SLC22A9: variants seen among roughly 807,000 people sequenced by gnomAD.
SLC22A9 encodes the protein organic anion transporter 7.
SLC22A9 carries 64 observed loss-of-function variants against 50.1 expected under a neutral mutation model. The observed-to-expected ratio is 1.28, with a 90% CI of 1.04 to 1.57. SLC22A9 has a LOEUF of 1.57. Among genes scored for constraint, SLC22A9 ranks in the 40% most tolerant of loss-of-function variants. The pLI, the probability that SLC22A9 is intolerant of heterozygous loss-of-function variation, is 0.00. For missense variants in SLC22A9, 757 were observed against 676.1 expected (o/e 1.12, Z -1.33); for synonymous variants, 261 against 242.5 (o/e 1.08, Z -0.71).
Position 63,410,257 on chromosome 11 carries a change from A to AAAAAAAAAAAAAAGAAGG in SLC22A9, c.*398_*399insAAAAAAAAAAGAAGGAAA. ...CTGTCTCAAAAAAAAAAAAAAAAAA[A>AAAAAAAAAAAAAAGAAGG]AAAGAAAGAAGGAAAGAAAGAAAGA... On this transcript the variant is annotated 3_prime_UTR_variant, in exon 10 of 10. Transcript: ENST00000279178. The AAAAAAAAAAAAAAGAAGG allele has an allele frequency of 6.5e-5, 7 of 108,460 alleles. No individual in the cohort carries two copies. The highest frequency in any genetic ancestry group is 9.8e-5 in the Non-Finnish European group (6 of 61,176). 6.7% of individuals were successfully genotyped at this position (108,460 alleles called of 1,614,324 possible). A position where few individuals can be genotyped will look rare whatever the true frequency, so the allele number is the denominator to read the frequency against.
At chr11:63,376,134 G>A (rs866722740) in intron 5 of SLC22A9, among the ~76,000 whole-genome samples, 5 of 152,106 alleles carry the variant, frequency 3.3e-5, no homozygotes, top group Admixed American at 6.6e-5. Flanking sequence ...AAAGCCAGAG[G>A]AAGGGTTAGT....
rs71065364 is a variant in SLC22A9 at position 63,386,434 on chromosome 11, C to CTTTTTTTTTTTT, written c.1073+4180_1073+4191dup. Among the ~76,000 whole-genome samples the CTTTTTTTTTTTT allele has an allele frequency of 1.2e-3, 40 of 33,500 alleles. 6 individuals carry two copies. The highest frequency in any genetic ancestry group is 3.2e-3 in the African/African-American group (18 of 5,630). The allele number at this position is 33,500 out of a possible 152,430, so 22.0% of individuals were successfully genotyped here. A position where few individuals can be genotyped will look rare whatever the true frequency, so the allele number is the denominator to read the frequency against. ...AGCTATAAATCCACGTGGACCTGGACTTTTTTTTTTTTTTTTTTTTTTTTT... is the reference window on the plus strand; with the variant it reads ...AGCTATAAATCCACGTGGACCTGGACTTTTTTTTTTTTTTTTTTTTTTTTTTTTTTTTTTTTT... On this transcript the variant is annotated intron_variant, in intron 6 of 9. Transcript: ENST00000279178.
chr11:63,397,296 C>T (rs1265443576), intron 6 of SLC22A9, among the ~76,000 whole-genome samples: 1 of 152,194 alleles, frequency 6.6e-6, no homozygotes, highest in Non-Finnish European at 1.5e-5. Context: ...ACCTCTGTGG[C>T]CACCACCACT....
rs370435925 is a variant in SLC22A9 at position 63,406,727 on chromosome 11, A to G, written c.1288+16A>G. The G allele has an allele frequency of 1.9e-6, 3 of 1,611,166 alleles. No individual in the cohort carries two copies. The African/African-American group carries it at 4.0e-5, about 22-fold the overall frequency. On this transcript the variant is annotated intron_variant, in intron 7 of 9. Transcript: ENST00000279178. ...GTGCCACAAGGTGAGAAAAGATCAC[A>G]GGTGGAAGAGAGAAATGCCTTTGCC...
rs2015113114 is a variant in SLC22A9 at position 63,410,041 on chromosome 11, C to T, written c.*179C>T. The T allele has an allele frequency of 5.6e-6, 3 of 535,646 alleles. No homozygotes were observed. The highest frequency in any genetic ancestry group is 1.9e-5 in the African/African-American group (1 of 51,554). The allele number at this position is 535,646 out of a possible 1,614,324, so 33.2% of individuals were successfully genotyped here. On this transcript the variant is annotated 3_prime_UTR_variant, in exon 10 of 10. Coordinates refer to ENST00000279178, the MANE Select transcript of SLC22A9 (RefSeq NM_080866.3). Reference sequence around the variant, plus strand: ...AGATCATGAGGTCAGAAGATAAAGACCACCCTGGCCAACATGGTGAAACCC... The same window carrying T: ...AGATCATGAGGTCAGAAGATAAAGATCACCCTGGCCAACATGGTGAAACCC...
intron 2 of SLC22A9, among the ~76,000 whole-genome samples, chr11:63,373,113 CT>C (rs1300472197): frequency 1.4e-5 from 2 of 140,142 alleles, no homozygotes; most frequent in Non-Finnish European, 3.1e-5. Context: ...TTCCCTTTTT[CT>C]TTTTTTTCCT....
intron 6 of SLC22A9, among the ~76,000 whole-genome samples, chr11:63,400,612 A>T (rs11231451): frequency 0.25 from 37,258 of 152,024 alleles, 5,260 homozygotes; most frequent in East Asian, 0.68. Flanking sequence ...CCTATTGTAC[A>T]CAAACTATTT....
chr11:63,369,793 T>A lies in SLC22A9; in HGVS notation c.-264T>A, dbSNP rs2119845452. 1.2e-5 allele frequency: 5 copies of A among 405,778 alleles called. No individual in the cohort carries two copies. The South Asian group carries it at 2.8e-4, about 23-fold the overall frequency. 25.1% of individuals were successfully genotyped at this position (405,778 alleles called of 1,614,324 possible). A position where few individuals can be genotyped will look rare whatever the true frequency, so the allele number is the denominator to read the frequency against. ...TGAAAAAGTAGAATTTTAAACACATTTCATTGTAAACGACTGGGAGTATCT... is the reference window on the plus strand; with the variant it reads ...TGAAAAAGTAGAATTTTAAACACATATCATTGTAAACGACTGGGAGTATCT... On this transcript the variant is annotated 5_prime_UTR_variant, in exon 1 of 10. Transcript: ENST00000279178.
At chr11:63,371,553 C>G (rs1393937089) in intron 2 of SLC22A9, among the ~76,000 whole-genome samples, 1 of 152,140 alleles carries the variant, frequency 6.6e-6, no homozygotes, top group African/African-American at 2.4e-5. Flanking sequence ...GACGTTTCAT[C>G]ACATAGGATT....
intron 7 of SLC22A9, 144 bp from the exon 8 acceptor site, chr11:63,407,968 C>T: frequency 1.7e-6 from 1 of 585,102 alleles, no homozygotes; most frequent in Non-Finnish European, 3.0e-6. Context: ...TCAGCCACTG[C>T]ACATTCTTTG....
intron 2 of SLC22A9, among the ~76,000 whole-genome samples, chr11:63,372,487 C>T (rs1005042979): frequency 8.5e-5 from 13 of 152,202 alleles, no homozygotes; most frequent in African/African-American, 3.1e-4. Flanking sequence ...AGATTACATA[C>T]TATAGTGTTC....
chr11:63,396,398 T>C lies in SLC22A9; in HGVS notation c.1074-10099T>C, dbSNP rs765140562. On this transcript the variant is annotated intron_variant, in intron 6 of 9. Transcript: ENST00000279178. ...TGCTTCCTCTGCCCCTGTATTTCTC[T>C]TGGCTCTCTAAATTAACTCAGCTCC... is the stretch of plus-strand genomic sequence containing the variant. 3.9e-5 allele frequency among the ~76,000 whole-genome samples: 6 copies of C among 152,326 alleles called. No individual in the cohort carries two copies. In the Middle Eastern group the frequency reaches 0.01, roughly 259 times the overall value.
rs141028695 is a variant in SLC22A9, at chr11:63,407,923, G to A, written c.1289-189G>A. 7.8e-3 allele frequency among the ~76,000 whole-genome samples: 1,189 copies of A among 152,266 alleles called. 17 individuals are homozygous for A. Among genetic ancestry groups the A allele is most frequent in the African/African-American group, 0.027 (1,126 of 41,542 alleles). On this transcript the variant is annotated intron_variant, in intron 7 of 9. Transcript: ENST00000279178. Reference sequence around the variant, plus strand: ...CAGATCCTTTTTATGCATTATTTAAGCCACAAGGCGAAGACAAATCATGTT... The same window carrying A: ...CAGATCCTTTTTATGCATTATTTAAACCACAAGGCGAAGACAAATCATGTT...
chr11:63,404,009 A>G (rs549517587), intron 6 of SLC22A9, among the ~76,000 whole-genome samples: 47 of 152,152 alleles, frequency 3.1e-4, no homozygotes, highest in Non-Finnish European at 6.5e-4. Flanking sequence ...TCAGAAAAGA[A>G]TTGAAATCAG....
intron 5 of SLC22A9, among the ~76,000 whole-genome samples, chr11:63,377,466 A>C (rs917519538): frequency 1.3e-5 from 2 of 152,180 alleles, no homozygotes; most frequent in Non-Finnish European, 1.5e-5. Flanking sequence ...CCGGATAAAT[A>C]AAGAAATTAA....
chr11:63,405,782 A>G (rs1490198434), intron 6 of SLC22A9, among the ~76,000 whole-genome samples: 1 of 152,158 alleles, frequency 6.6e-6, no homozygotes, highest in Non-Finnish European at 1.5e-5. Context: ...ATTGTCTTGC[A>G]GTGGTTTTTG....
At chr11:63,408,617 C>A in intron 8 of SLC22A9, 59 bp from the exon 9 acceptor site, 1 of 1,484,326 alleles carries the variant, frequency 6.7e-7, no homozygotes, top group African/African-American at 1.4e-5. Flanking sequence ...AATGATAAAT[C>A]ACAAATTGCC....
At chr11:63,392,621 G>A (rs1272685139) in intron 6 of SLC22A9, among the ~76,000 whole-genome samples, 2 of 151,846 alleles carry the variant, frequency 1.3e-5, no homozygotes, top group African/African-American at 4.8e-5. Context: ...CATGTTACTT[G>A]TTCCTTTTCT....
intron 6 of SLC22A9, among the ~76,000 whole-genome samples, chr11:63,393,590 G>A (rs1026630861): frequency 6.6e-6 from 1 of 152,068 alleles, no homozygotes; most frequent in African/African-American, 2.4e-5. Context: ...TTACATTGAT[G>A]TATGTCCTTT....
Sources: gnomAD v4.1 joint callset for allele counts (sites outside exome capture counted in the v4.1 genomes callset) on GRCh38, gnomAD v4.1.1 for gene constraint, MANE v1.5 for transcripts, NCBI Gene and HGNC (gene_info 2026-07-23, HGNC 2026-07-21) for gene names.